PTH1R: variants seen among roughly 807,000 people sequenced by gnomAD.
PTH1R encodes parathyroid hormone/parathyroid hormone-related peptide receptor.
In PTH1R, 32 loss-of-function variants were observed where a neutral mutation model predicts 70.7. The observed-to-expected ratio is 0.45, with a 90% confidence interval of 0.34 to 0.61. The LOEUF (loss-of-function observed/expected upper bound fraction) is 0.61, where lower values mean the gene tolerates loss of function less well. Ranked by LOEUF, PTH1R falls within the 20% of genes least tolerant of loss-of-function variation. The pLI is 0.01. For synonymous variants in PTH1R, 329 were observed against 324.8 expected (o/e 1.01, Z -0.14); for missense variants, 626 against 792.5 (o/e 0.79, Z 2.52).
chr3:46,894,374 G>T (rs759744491), intron 4 of PTH1R, among the ~76,000 whole-genome samples: 61 of 152,134 alleles, frequency 4.0e-4, no homozygotes, highest in African/African-American at 1.4e-3. Context: ...GTTGAGGCTG[G>T]TGATCGCCCA....
At chr3:46,898,335 T>C (rs754923207) in intron 7 of PTH1R, 43 bp from the exon 8 acceptor site, 2 of 1,600,596 alleles carry the variant, frequency 1.2e-6, no homozygotes, top group Non-Finnish European at 1.7e-6. Flanking sequence ...ATGCTCTCCC[T>C]GGGTCCCAGG....
rs759960661 is a variant in PTH1R, at chr3:46,893,334, TTCTC to T, written c.76-567_76-564del. 2.0e-5 allele frequency among the ~76,000 whole-genome samples: 3 copies of T among 152,098 alleles called. No homozygotes were observed. Among genetic ancestry groups the T allele is most frequent in the Non-Finnish European group, 2.9e-5 (2 of 68,018 alleles). ...TGCCAACAGTTCCTCCATCCTCTCT[TTCTC>T]TCTCTTGGGATTGTAAGGAGGGGAG... is the stretch of plus-strand genomic sequence containing the variant. On this transcript the variant is annotated intron_variant, in intron 3 of 15. Coordinates refer to ENST00000449590, the MANE Select transcript of PTH1R (RefSeq NM_000316.3). This position sits in a 1 kb window ranked among gnomAD's most constrained non-coding sequence, Gnocchi z 5.2.
chr3:46,881,681 G>A (rs2030576235), intron 2 of PTH1R, among the ~76,000 whole-genome samples: 1 of 151,986 alleles, frequency 6.6e-6, no homozygotes, highest in Non-Finnish European at 1.5e-5. Context: ...AGGAACGACA[G>A]GCCTGGGATG....
At position 46,902,947 on chromosome 3, in the gene PTH1R, T is replaced by G; in HGVS notation, c.1395+157T>G. ...AAAGCAGAGAAGTCTTTCCAGATGATGCAGGTTCAGGATGTGCTAGGATGT... is the reference window on the plus strand; with the variant it reads ...AAAGCAGAGAAGTCTTTCCAGATGAGGCAGGTTCAGGATGTGCTAGGATGT... On this transcript the variant is annotated intron_variant, in intron 15 of 15. Transcript: ENST00000449590. This position sits in a 1 kb window ranked among gnomAD's most constrained non-coding sequence, Gnocchi z 5.4. The G allele has an allele frequency of 8.5e-7, 1 of 1,182,322 alleles. No individual in the cohort carries two copies. The highest frequency in any genetic ancestry group is 2.4e-5 in the East Asian group (1 of 42,324). 73.2% of individuals were successfully genotyped at this position (1,182,322 alleles called of 1,614,324 possible).
Position 46,901,301 on chromosome 3 carries a change from C to A in PTH1R, c.1050-113C>A. 7.2e-7 allele frequency: 1 copy of A among 1,396,222 alleles called. No individual in the cohort carries two copies. The highest frequency in any genetic ancestry group is 9.9e-7 in the Non-Finnish European group (1 of 1,010,336). The allele number at this position is 1,396,222 out of a possible 1,614,324, so 86.5% of individuals were successfully genotyped here. ...CCTCAGGCCTGGCCACACCCAGCAC[C>A]CCTGCCCTGTGTCCTCAACAGCTAA... On this transcript the variant is annotated intron_variant, in intron 11 of 15. Transcript: ENST00000449590. This position sits in a 1 kb window ranked among gnomAD's most constrained non-coding sequence, Gnocchi z 7.3.
At chr3:46,898,274 CT>C (rs1476418575) in intron 7 of PTH1R, 82 bp downstream of exon 7, 2 of 1,571,092 alleles carry the variant, frequency 1.3e-6, no homozygotes, top group Admixed American at 1.7e-5. Flanking sequence ...GCCCTGACCC[CT>C]GACCTTGACT....
intron 3 of PTH1R, among the ~76,000 whole-genome samples, chr3:46,887,693 C>T (rs762268737): frequency 3.9e-5 from 6 of 152,060 alleles, no homozygotes; most frequent in East Asian, 1.9e-4. Flanking sequence ...TAAATGGCAT[C>T]GGTTTCTAGA....
chr3:46,889,462 C>T (rs2031261371), intron 3 of PTH1R, among the ~76,000 whole-genome samples: 1 of 152,180 alleles, frequency 6.6e-6, no homozygotes, highest in African/African-American at 2.4e-5. Flanking sequence ...CTCTCTTTCC[C>T]TTCTTCCAAG....
At position 46,898,688 on chromosome 3, in the gene PTH1R, T is replaced by A; in HGVS notation, c.665T>A (p.Ile222Asn). The change falls in exon 9 of 16, where the codon ATC becomes AAC. Residue 222 changes from isoleucine (I) to asparagine (N), a missense_variant. By Grantham distance (149) the Ile-to-Asn change is moderately radical. This residue lies in a region of PTH1R where 495 missense variants were observed against 638.7 expected (regional missense o/e 0.77). Coordinates refer to ENST00000449590, the MANE Select transcript of PTH1R (RefSeq NM_000316.3). Reference sequence around the variant, plus strand: ...CGGCTGCACTGCACGCGCAACTACATCCACATGCACCTGTTCCTGTCCTTC... The same window carrying A: ...CGGCTGCACTGCACGCGCAACTACAACCACATGCACCTGTTCCTGTCCTTC... ...FRRLHCTRNY[I>N]HMHLFLSFML... is the part of the protein sequence containing the mutation. 1 of 1,612,514 alleles carries A rather than the reference T, an allele frequency of 6.2e-7. No individual in the cohort carries two copies. The highest frequency in any genetic ancestry group is 8.5e-7 in the Non-Finnish European group (1 of 1,179,772).
chr3:46,901,758 T>C lies in PTH1R; in HGVS notation c.1117-8T>C, dbSNP rs749389822. On this transcript the variant is annotated splice_polypyrimidine_tract_variant and splice_region_variant and intron_variant, in intron 12 of 15. Transcript: ENST00000449590. The surrounding 1 kb of genome is among the most constrained non-coding windows in gnomAD (Gnocchi z 7.3). ...CAGCCTCCAGACGCAGCCCCCTCACTCCCACAGCTCAACTTCATCCTCTTC... is the reference window on the plus strand; with the variant it reads ...CAGCCTCCAGACGCAGCCCCCTCACCCCCACAGCTCAACTTCATCCTCTTC... 3 of 1,613,218 alleles carry C rather than the reference T, an allele frequency of 1.9e-6. No homozygotes were observed. The Admixed American group carries it at 5.0e-5, about 27-fold the overall frequency.
rs2031479821 is a variant in PTH1R at position 46,892,481 on chromosome 3, A to G, written c.76-1426A>G. 6.6e-6 allele frequency among the ~76,000 whole-genome samples: 1 copy of G among 152,132 alleles called. No homozygotes were observed. The highest frequency in any genetic ancestry group is 2.1e-4 in the South Asian group (1 of 4,824). On this transcript the variant is annotated intron_variant, in intron 3 of 15. Transcript: ENST00000449590. The surrounding 1 kb of genome is among the most constrained non-coding windows in gnomAD (Gnocchi z 5.2). ...AGAATGCGCTGCCACTCGCGCGCGC[A>G]CGCACAGGGACGCGCACGCGGCTCC...
chr3:46,898,206 T>C lies in PTH1R; in HGVS notation c.543+14T>C, dbSNP rs114449768. On this transcript the variant is annotated intron_variant, in intron 7 of 15. Coordinates refer to ENST00000449590, the MANE Select transcript of PTH1R (RefSeq NM_000316.3). ...ACTCGTGAACGGGTGCGAGCCTTTC[T>C]CCTCCCCAACCTGACCAGGATAAAT... 0.023 allele frequency: 36,636 copies of C among 1,612,496 alleles called. 507 individuals carry two copies. The highest frequency in any genetic ancestry group is 0.055 in the Middle Eastern group (334 of 6,058).
rs769497871 is a variant in PTH1R, at chr3:46,897,871, G to A, written c.330G>A (p.Pro110=). 3.3e-5 allele frequency: 53 copies of A among 1,613,228 alleles called. No individual in the cohort carries two copies. The highest frequency in any genetic ancestry group is 7.7e-5 in the South Asian group (7 of 91,054). ...TGGGCACAGGGCGCCCCTGTCTGCC[G>A]GAATGGGACCACATCCTGTGCTGGC... ...GSRYRGRPCL[P]EWDHILCWPL... is the part of the protein sequence containing the mutation. The change falls in exon 6 of 16, where the codon CCG becomes CCA. Residue 110 remains proline (P), a synonymous_variant. Transcript: ENST00000449590.
At chr3:46,898,524 GC>G (rs1559535706) in intron 8 of PTH1R, 52 bp downstream of exon 8, 2 of 1,605,534 alleles carry the variant, frequency 1.2e-6, no homozygotes, top group Non-Finnish European at 1.7e-6. Flanking sequence ...GGGGGCGGTG[GC>G]CGAGGTCTGA....
Position 46,883,183 on chromosome 3 carries a change from C to G in PTH1R, c.-48-329C>G, listed in dbSNP as rs1559527204. On this transcript the variant is annotated intron_variant, in intron 2 of 15. Coordinates refer to ENST00000449590, the MANE Select transcript of PTH1R (RefSeq NM_000316.3). The surrounding 1 kb of genome is among the most constrained non-coding windows in gnomAD (Gnocchi z 6.4). ...AAGAAAGAAAGAAAGAAAGAAAAGG[C>G]GGCGCGGGAGGGGGGCGGGGGGCGG... 6.8e-6 allele frequency among the ~76,000 whole-genome samples: 1 copy of G among 147,354 alleles called. No individual in the cohort carries two copies. Among genetic ancestry groups the G allele is most frequent in the African/African-American group, 2.5e-5 (1 of 39,922 alleles).
intron 5 of PTH1R, among the ~76,000 whole-genome samples, chr3:46,897,171 C>G (rs143659973): frequency 6.6e-6 from 1 of 152,288 alleles, no homozygotes; most frequent in African/African-American, 2.4e-5. Context: ...AAGGTGGTTC[C>G]AAGAGCAGAG....
At position 46,891,279 on chromosome 3, in the gene PTH1R, A is replaced by C. The variant is rs2031402033; in HGVS notation, c.76-2628A>C. Among the ~76,000 whole-genome samples, 1 of 152,162 alleles carries C rather than the reference A, an allele frequency of 6.6e-6. No homozygotes were observed. The highest frequency in any genetic ancestry group is 1.5e-5 in the Non-Finnish European group (1 of 68,028). ...CTCCTCCTGGCCATGGAGAAGGTGA[A>C]GCCAACAGCTGGAGGTAGAGGCTGA... On this transcript the variant is annotated intron_variant, in intron 3 of 15. Transcript: ENST00000449590. This position sits in a 1 kb window ranked among gnomAD's most constrained non-coding sequence, Gnocchi z 4.3.
intron 1 of PTH1R, among the ~76,000 whole-genome samples, chr3:46,880,853 C>G (rs1308169153): frequency 1.3e-5 from 2 of 152,206 alleles, no homozygotes; most frequent in Non-Finnish European, 2.9e-5. Flanking sequence ...AGGGTGGCTG[C>G]AGCTGGATCC....
Position 46,898,616 on chromosome 3 carries a change from G to C in PTH1R, c.639-46G>C. On this transcript the variant is annotated intron_variant, in intron 8 of 15. Coordinates refer to ENST00000449590, the MANE Select transcript of PTH1R (RefSeq NM_000316.3). ...CAACCCAGCTTCCTGTCCACCCACC[G>C]CGCGTCCCCGTGCCCCCACCCACGG... 3 of 1,607,424 alleles carry C rather than the reference G, an allele frequency of 1.9e-6. No individual in the cohort carries two copies. The East Asian group carries it at 6.7e-5, about 36-fold the overall frequency.
Sources: gnomAD v4.1 joint callset for allele counts (sites outside exome capture counted in the v4.1 genomes callset) on GRCh38, gnomAD v4.1.1 for gene constraint, gnomAD v4.1.1 regional missense constraint, Gnocchi (gnomAD v3.1) non-coding constraint, MANE v1.5 for transcripts, NCBI Gene and HGNC (gene_info 2026-07-23, HGNC 2026-07-21) for gene names.